Variants in KIAA1549L observed in about 807,000 individuals in gnomAD.
KIAA1549L encodes KIAA1549 like, also known as UPF0606 protein KIAA1549L.
A neutral mutation model predicts 160.7 loss-of-function variants in KIAA1549L; 88 were observed. The ratio of observed to expected loss-of-function variants is 0.55; its 90% CI spans 0.46 to 0.65. The LOEUF is 0.65. KIAA1549L is among the 30% of genes least tolerant of loss of function. KIAA1549L has a pLI of 0.00. For synonymous variants in KIAA1549L, 950 were observed against 976.7 expected (o/e 0.97, Z 0.51); for missense variants, 2,258 against 2,437.5 (o/e 0.93, Z 1.55).
At chr11:33,545,448 T>G (rs1854219063) in intron 3 of KIAA1549L, 70 bp downstream of exon 3, 7 of 1,482,264 alleles carry the variant, frequency 4.7e-6, no homozygotes, top group Non-Finnish European at 5.4e-6. Context: ...ATGTTTATTT[T>G]AGATCAGTGG....
chr11:33,590,406 G>A (rs1015724771), intron 11 of KIAA1549L, among the ~76,000 whole-genome samples: 2 of 152,180 alleles, frequency 1.3e-5, no homozygotes, highest in African/African-American at 4.8e-5. Context: ...CTGCTTTGGG[G>A]TGTAAAGCAA....
At chr11:33,598,229 T>TGTGTGTGTGTGTGTGTGTGTGTCTGA (rs138775051) in intron 12 of KIAA1549L, among the ~76,000 whole-genome samples, 3 of 148,074 alleles carry the variant, frequency 2.0e-5, no homozygotes, top group African/African-American at 7.5e-5. Context: ...TGTGTGTGTG[T>TGTGTGTGTGTGTGTGTGTGTGTCTGA]CAGAGTGAAG....
At chr11:33,539,228 A>G (rs777371986) in intron 1 of KIAA1549L, among the ~76,000 whole-genome samples, 1 of 152,192 alleles carries the variant, frequency 6.6e-6, no homozygotes, top group Middle Eastern at 3.2e-3. Context: ...GCAGCAGTCA[A>G]ATATGTTTGA....
chr11:33,567,541 C>A (rs181889237), intron 8 of KIAA1549L, among the ~76,000 whole-genome samples: 1 of 152,282 alleles, frequency 6.6e-6, no homozygotes, highest in Non-Finnish European at 1.5e-5. Context: ...GGACACTGAA[C>A]AGGGTAGTCT....
At position 33,542,767 on chromosome 11, in the gene KIAA1549L, T is replaced by C. The variant is rs767475956; in HGVS notation, c.1204T>C (p.Ser402Pro). 5.6e-6 allele frequency: 9 copies of C among 1,613,732 alleles called. No individual in the cohort carries two copies. The Middle Eastern group carries it at 6.6e-4, about 118-fold the overall frequency. Residue 402 changes from serine (S) to proline (P), a missense_variant, in exon 2 of 21, where the codon TCT (serine) becomes CCT (proline). By Grantham distance (74) the Ser-to-Pro change is moderately conservative. Coordinates refer to ENST00000658780, the MANE Select transcript of KIAA1549L (RefSeq NM_012194.3). ...GVPGRVHNGV[S>P]LPTFKNTETA... ...GCCTGGAAGAGTGCACAATGGGGTG[T>C]CTTTGCCAACTTTTAAGAATACAGA...
intron 13 of KIAA1549L, among the ~76,000 whole-genome samples, chr11:33,602,352 AG>A (rs1478709168): frequency 6.6e-5 from 10 of 152,222 alleles, no homozygotes; most frequent in African/African-American, 2.4e-4. Flanking sequence ...ACACAGTTTC[AG>A]TTATTCTTTC....
At position 33,606,686 on chromosome 11, in the gene KIAA1549L, C is replaced by T. The variant is rs140833560; in HGVS notation, c.4925C>T (p.Ser1642Phe). 7.9e-5 allele frequency: 128 copies of T among 1,613,998 alleles called. No individual in the cohort carries two copies. The highest frequency in any genetic ancestry group is 5.0e-4 in the Admixed American group (30 of 60,020). ...EEEGAVLFDN[S>F]SKVAAEPFDT... Reference sequence around the variant, plus strand: ...GAGGGAGCGGTTCTATTTGACAACTCCAGCAAGGTGGCCGCTGAACCCTTT... The same window carrying T: ...GAGGGAGCGGTTCTATTTGACAACTTCAGCAAGGTGGCCGCTGAACCCTTT... Residue 1642 changes from serine (S) to phenylalanine (F), a missense_variant, in exon 14 of 21, where the codon TCC becomes TTC. Transcript: ENST00000658780.
chr11:33,544,896 T>C lies in KIAA1549L; in HGVS notation c.2903T>C (p.Val968Ala). Residue 968 changes from valine (V) to alanine (A), a missense_variant, in exon 3 of 21, where the codon GTG becomes GCG. Val to Ala is a moderately conservative substitution (Grantham distance 64). Around this residue, in one of 6 missense-constraint regions of KIAA1549L, gnomAD observed 41 missense variants for 79.8 expected, o/e 0.51. Coordinates refer to ENST00000658780, the MANE Select transcript of KIAA1549L (RefSeq NM_012194.3). ...GGCACCAGCAGCAGCCCTTTGGCCG[T>C]GGCCTCAGGACCAGCTAAGAGCAGT... is the stretch of plus-strand genomic sequence containing the variant. Reference protein sequence around the residue: ...AKGTSSSPLAVASGPAKSSSM... With the variant: ...AKGTSSSPLAAASGPAKSSSM... The C allele has an allele frequency of 6.2e-7, 1 of 1,613,524 alleles. No individual in the cohort carries two copies. The highest frequency in any genetic ancestry group is 8.5e-7 in the Non-Finnish European group (1 of 1,179,654).
chr11:33,451,441 A>T (rs1210633370), intron 1 of KIAA1549L, among the ~76,000 whole-genome samples: 3 of 152,228 alleles, frequency 2.0e-5, no homozygotes, highest in African/African-American at 4.8e-5. Flanking sequence ...ATGTGCACAT[A>T]AAAAAGTGTT....
intron 13 of KIAA1549L, among the ~76,000 whole-genome samples, chr11:33,603,620 A>G (rs1850420873): frequency 6.6e-6 from 1 of 152,114 alleles, no homozygotes; most frequent in South Asian, 2.1e-4. Context: ...CAGCCTGGCC[A>G]ACATGGTGAA....
intron 17 of KIAA1549L, among the ~76,000 whole-genome samples, chr11:33,650,207 C>T (rs184069080): frequency 1.0e-3 from 152 of 152,238 alleles, no homozygotes; most frequent in African/African-American, 3.5e-3. Flanking sequence ...TGCCTTGGAA[C>T]GGCCCCAAGA....
chr11:33,402,740 T>C (rs762159230), intron 1 of KIAA1549L, among the ~76,000 whole-genome samples: 15 of 152,218 alleles, frequency 9.9e-5, no homozygotes, highest in Admixed American at 2.0e-4. Flanking sequence ...TGGGAGCAGC[T>C]GGAGCAGAGG....
At position 33,544,226 on chromosome 11, in the gene KIAA1549L, A is replaced by G. The variant is rs893464866; in HGVS notation, c.2663A>G (p.Gln888Arg). 2 of 1,614,036 alleles carry G rather than the reference A, an allele frequency of 1.2e-6. No homozygotes were observed. Among genetic ancestry groups the G allele is most frequent in the East Asian group, 2.2e-5 (1 of 44,884 alleles). ...GAGAGAAATGCTTCCACACCATTCC[A>G]GAACATCTTGGGATATCACTCTGCT... ...SPERNASTPF[Q>R]NILGYHSAAE... The change falls in exon 2 of 21, where the codon CAG becomes CGG. Residue 888 changes from glutamine (Q) to arginine (R), a missense_variant. Gln to Arg is a conservative substitution (Grantham distance 43). Coordinates refer to ENST00000658780, the MANE Select transcript of KIAA1549L (RefSeq NM_012194.3).
chr11:33,522,768 G>A (rs866107725), intron 1 of KIAA1549L, among the ~76,000 whole-genome samples: 7 of 152,194 alleles, frequency 4.6e-5, no homozygotes, highest in Middle Eastern at 3.4e-3. Flanking sequence ...GCCTGGTGGC[G>A]TATGTCTGTA....
chr11:33,426,250 G>A (rs530473479), intron 1 of KIAA1549L, among the ~76,000 whole-genome samples: 2 of 152,278 alleles, frequency 1.3e-5, no homozygotes, highest in Admixed American at 6.5e-5. Flanking sequence ...TGCACTCTCT[G>A]CTTTGGTAAT....
Position 33,574,969 on chromosome 11 carries a change from G to A in KIAA1549L, c.4402+96G>A, listed in dbSNP as rs1359781011. 1.1e-5 allele frequency: 11 copies of A among 1,047,180 alleles called. No individual in the cohort carries two copies. The East Asian group carries it at 2.6e-4, about 25-fold the overall frequency. The allele number at this position is 1,047,180 out of a possible 1,614,324, so 64.9% of individuals were successfully genotyped here. A position where few individuals can be genotyped will look rare whatever the true frequency, so the allele number is the denominator to read the frequency against. ...CCAAAATCATGTTAATGGTCTCAGAGCTAAACATATTTGTATTCTGGAAGG... is the reference window on the plus strand; with the variant it reads ...CCAAAATCATGTTAATGGTCTCAGAACTAAACATATTTGTATTCTGGAAGG... On this transcript the variant is annotated intron_variant, in intron 10 of 20. Coordinates refer to ENST00000658780, the MANE Select transcript of KIAA1549L (RefSeq NM_012194.3).
chr11:33,650,517 A>G (rs1026391308), intron 17 of KIAA1549L, among the ~76,000 whole-genome samples: 2 of 152,076 alleles, frequency 1.3e-5, no homozygotes, highest in Admixed American at 1.3e-4. Flanking sequence ...AGGCTGCAGT[A>G]TCTGGTCCCT....
intron 17 of KIAA1549L, among the ~76,000 whole-genome samples, chr11:33,649,132 C>T (rs973327225): frequency 7.9e-5 from 12 of 152,160 alleles, no homozygotes; most frequent in Admixed American, 3.9e-4. Flanking sequence ...CACGCTCTTT[C>T]TACCCGCTGG....
At chr11:33,653,437 T>G (rs1007296410) in intron 17 of KIAA1549L, among the ~76,000 whole-genome samples, 1 of 152,226 alleles carries the variant, frequency 6.6e-6, no homozygotes, top group South Asian at 2.1e-4. Flanking sequence ...CTGAGCACTT[T>G]GCATTCCATG....
Sources: gnomAD v4.1 joint callset for allele counts (sites outside exome capture counted in the v4.1 genomes callset) on GRCh38, gnomAD v4.1.1 for gene constraint, gnomAD v4.1.1 regional missense constraint, MANE v1.5 for transcripts, NCBI Gene and HGNC (gene_info 2026-07-23, HGNC 2026-07-21) for gene names.